Variants in NIT2 observed in about 807,000 individuals in gnomAD.
NIT2 encodes the protein nitrilase family member 2, also known as omega-amidase NIT2.
NIT2 carries 46 observed loss-of-function variants against 42.7 expected under a neutral mutation model. That is an observed-to-expected ratio of 1.08 (90% CI 0.85 to 1.38). The LOEUF (loss-of-function observed/expected upper bound fraction) is 1.38, where lower values mean the gene tolerates loss of function less well. Ranked by LOEUF, NIT2 falls within the 40% of genes most tolerant of loss-of-function variation. NIT2 has a pLI of 0.00. For synonymous variants in NIT2, 123 were observed against 121.9 expected, an observed-to-expected ratio of 1.01 and a Z score of -0.06; for missense variants, 309 against 342.5, an observed-to-expected ratio of 0.90 and a Z score of 0.77.
chr3:100,345,007 T>C (rs1706198726), intron 4 of NIT2, among the ~76,000 whole-genome samples: 1 of 150,908 alleles, frequency 6.6e-6, no homozygotes, highest in African/African-American at 2.4e-5. Flanking sequence ...CAGGCTGGAG[T>C]GCAATGGCGT....
At chr3:100,352,536 G>A in intron 8 of NIT2, 34 bp downstream of exon 8, 1 of 1,521,564 alleles carries the variant, frequency 6.6e-7, no homozygotes. Context: ...GGCTCAGTCG[G>A]AGCTTGAGCT....
intron 3 of NIT2, 40 bp from the exon 4 acceptor site, chr3:100,341,033 T>A (rs1222673091): frequency 7.3e-7 from 1 of 1,363,218 alleles, no homozygotes; most frequent in Admixed American, 1.7e-5. Flanking sequence ...AGAATTGCTC[T>A]ATTCTTTTTC....
intron 4 of NIT2, among the ~76,000 whole-genome samples, chr3:100,342,519 CT>C (rs572093341): frequency 0.012 from 1,623 of 137,796 alleles, 13 homozygotes; most frequent in African/African-American, 0.035. Flanking sequence ...TACATCTTAG[CT>C]TTTTTTTTTT....
intron 4 of NIT2, among the ~76,000 whole-genome samples, chr3:100,345,050 GTTTGAGCAATTCTCCTGCC>G (rs1389414953): frequency 6.6e-6 from 1 of 151,428 alleles, no homozygotes; most frequent in Non-Finnish European, 1.5e-5. Flanking sequence ...CACCTCCCAG[GTTTGAGCAATTCTCCTGCC>G]TCAGCCTCCT....
intron 1 of NIT2, among the ~76,000 whole-genome samples, chr3:100,336,416 A>C (rs1460706220): frequency 6.6e-6 from 1 of 152,166 alleles, no homozygotes; most frequent in Non-Finnish European, 1.5e-5. Flanking sequence ...AACAAAGTAT[A>C]GAGAAAGAAG....
chr3:100,348,388 G>A (rs748218397), intron 6 of NIT2, among the ~76,000 whole-genome samples: 1 of 152,208 alleles, frequency 6.6e-6, no homozygotes, highest in Non-Finnish European at 1.5e-5. Flanking sequence ...TGAAACCTAG[G>A]TCAAACCCAG....
intron 4 of NIT2, among the ~76,000 whole-genome samples, chr3:100,344,959 CT>C (rs35616909): frequency 0.71 from 97,084 of 136,510 alleles, 34,455 homozygotes; most frequent in East Asian, 0.93. Context: ...TTTTTTTTTT[CT>C]TTTTTTTTTT....
At chr3:100,334,838 C>T (rs754902874) in intron 1 of NIT2, 40 bp downstream of exon 1, 1 of 1,212,128 alleles carries the variant, frequency 8.2e-7, no homozygotes, top group Non-Finnish European at 1.0e-6. Flanking sequence ...GAGTTCGGGC[C>T]GCGGGGGAGG....
intron 4 of NIT2, 52 bp downstream of exon 4, chr3:100,341,213 G>T (rs748217013): frequency 2.2e-5 from 30 of 1,383,572 alleles, no homozygotes; most frequent in Admixed American, 6.7e-5. Flanking sequence ...CAGCAACAAT[G>T]TGTGGAAAAA....
At chr3:100,340,550 T>C (rs896327938) in intron 3 of NIT2, among the ~76,000 whole-genome samples, 1 of 152,182 alleles carries the variant, frequency 6.6e-6, no homozygotes, top group African/African-American at 2.4e-5. Flanking sequence ...TGTATGATGA[T>C]ATATTAAGAA....
rs900549368 is a variant in NIT2 at position 100,345,655 on chromosome 3, A to G, written c.407A>G (p.Asp136Gly). 46 of 1,612,270 alleles carry G rather than the reference A, an allele frequency of 2.9e-5. No homozygotes were observed. The highest frequency in any genetic ancestry group is 3.7e-5 in the Non-Finnish European group (44 of 1,178,618). ...GAATCTAAAACATTGAGTCCGGGTG[A>G]TAGTTTCTCCACATTTGATACTCGT... ...FQESKTLSPG[D>G]SFSTFDTPYC... Residue 136 changes from aspartate to glycine, a missense_variant, in exon 5 of 10, where the codon GAT becomes GGT. Coordinates refer to ENST00000394140, the MANE Select transcript of NIT2 (RefSeq NM_020202.5).
Position 100,358,665 on chromosome 3 carries a change from A to G in NIT2, c.*3397A>G, listed in dbSNP as rs1445945702. On this transcript the variant is annotated 3_prime_UTR_variant, in exon 10 of 10. Coordinates refer to ENST00000394140, the MANE Select transcript of NIT2 (RefSeq NM_020202.5). ...TTGCACTGGTTGCAAATGAATAAAT[A>G]AGTAACATTATGGGGTTTTAAATGA... 1 of 152,232 alleles carries G rather than the reference A, an allele frequency of 6.6e-6. No individual in the cohort carries two copies. The highest frequency in any genetic ancestry group is 1.5e-5 in the Non-Finnish European group (1 of 68,044). 9.4% of individuals were successfully genotyped at this position (152,232 alleles called of 1,614,324 possible).
In NIT2 at chr3:100,359,904, T is replaced by A. The variant is rs1223325136; in HGVS notation, c.*4636T>A. 2 of 152,218 alleles carry A rather than the reference T, an allele frequency of 1.3e-5. No individual in the cohort carries two copies. The highest frequency in any genetic ancestry group is 4.8e-5 in the African/African-American group (2 of 41,446). 9.4% of individuals were successfully genotyped at this position (152,218 alleles called of 1,614,324 possible). ...CCCCACATTCTGGAAGCTCCTTACC[T>A]AAATCCTGTTTATTCCTTAATGCTT... On this transcript the variant is annotated 3_prime_UTR_variant, in exon 10 of 10. Coordinates refer to ENST00000394140, the MANE Select transcript of NIT2 (RefSeq NM_020202.5).
At chr3:100,336,469 C>T (rs1378329351) in intron 1 of NIT2, among the ~76,000 whole-genome samples, 1 of 152,010 alleles carries the variant, frequency 6.6e-6, no homozygotes, top group African/African-American at 2.4e-5. Flanking sequence ...CGGAGGATCC[C>T]GTCGGCCTCT....
At chr3:100,349,513 A>G (rs1372517806) in intron 7 of NIT2, 1 of 152,254 alleles carries the variant, frequency 6.6e-6, no homozygotes, top group Non-Finnish European at 1.5e-5. Flanking sequence ...AGTCAGTTCC[A>G]GCAACTTTTA....
intron 1 of NIT2, among the ~76,000 whole-genome samples, chr3:100,335,477 C>T (rs548098465): frequency 6.6e-6 from 1 of 152,196 alleles, no homozygotes; most frequent in South Asian, 2.1e-4. Flanking sequence ...AATATTAGGG[C>T]AGCCTTAAAA....
intron 4 of NIT2, among the ~76,000 whole-genome samples, chr3:100,345,218 C>T (rs909391085): frequency 1.3e-5 from 2 of 152,160 alleles, no homozygotes; most frequent in African/African-American, 4.8e-5. Context: ...CTCGGCCTCC[C>T]AAAGTGCTGG....
In NIT2 at chr3:100,341,168, AG is replaced by A. The variant is rs1227250459; in HGVS notation, c.336+9del. 2 of 1,598,512 alleles carry A rather than the reference AG, an allele frequency of 1.3e-6. No individual in the cohort carries two copies. The highest frequency in any genetic ancestry group is 2.2e-5 in the East Asian group (1 of 44,790). On this transcript the variant is annotated splice_region_variant and intron_variant, in intron 4 of 9. Coordinates refer to ENST00000394140, the MANE Select transcript of NIT2 (RefSeq NM_020202.5). Reference sequence around the variant, plus strand: ...ACTAGCAAAGTATAGAAAGGTAAGTAGGAAGTGTGGCATAAGAATTTGTTAT... The same window carrying A: ...ACTAGCAAAGTATAGAAAGGTAAGTAGAAGTGTGGCATAAGAATTTGTTAT...
chr3:100,334,825 C>G, intron 1 of NIT2, 27 bp downstream of exon 1: 1 of 1,259,416 alleles, frequency 7.9e-7, no homozygotes, highest in Non-Finnish European at 9.9e-7. Flanking sequence ...CGCGCTGCAG[C>G]TCGAGTTCGG....
Sources: gnomAD v4.1 joint callset for allele counts (sites outside exome capture counted in the v4.1 genomes callset) on GRCh38, gnomAD v4.1.1 for gene constraint, MANE v1.5 for transcripts, NCBI Gene and HGNC (gene_info 2026-07-23, HGNC 2026-07-21) for gene names.